Variants in NCOA6 observed in about 807,000 individuals in gnomAD.
NCOA6 encodes NRC RAP250.
In NCOA6, 49 loss-of-function variants were observed where a neutral mutation model predicts 171.4. That is an observed-to-expected ratio of 0.29 (90% CI 0.23 to 0.36). The LOEUF (loss-of-function observed/expected upper bound fraction) is 0.36, where lower values mean the gene tolerates loss of function less well. NCOA6 is among the 10% of genes least tolerant of loss of function. NCOA6 has a pLI of 1.00. For missense variants in NCOA6, 2,248 were observed against 2,554.5 expected, an observed-to-expected ratio of 0.88 and a Z score of 2.59; for synonymous variants, 910 against 927.5, an observed-to-expected ratio of 0.98 and a Z score of 0.34.
At chr20:34,730,245 AATTTTTT>A (rs1282993714) in intron 13 of NCOA6, among the ~76,000 whole-genome samples, 3 of 148,416 alleles carry the variant, frequency 2.0e-5, no homozygotes, top group South Asian at 2.1e-4. Flanking sequence ...ATTTTTTATT[AATTTTTT>A]ATTTTTTATT....
intron 12 of NCOA6, among the ~76,000 whole-genome samples, chr20:34,733,658 G>A (rs1257793739): frequency 3.3e-5 from 5 of 151,978 alleles, no homozygotes; most frequent in African/African-American, 1.2e-4. Context: ...TTATTGCTAT[G>A]AAGATCAGAT....
intron 2 of NCOA6, among the ~76,000 whole-genome samples, chr20:34,785,410 C>T (rs1601019232): frequency 7.0e-6 from 1 of 141,876 alleles, no homozygotes; most frequent in African/African-American, 2.6e-5. Flanking sequence ...GGCTAGGTAA[C>T]AGCGAGACCA....
At chr20:34,722,313 G>A (rs1263351962) in intron 14 of NCOA6, among the ~76,000 whole-genome samples, 8 of 151,478 alleles carry the variant, frequency 5.3e-5, no homozygotes, top group Admixed American at 5.3e-4. Flanking sequence ...CCTGGGAGGC[G>A]GAGGTTGCAA....
chr20:34,809,461 G>GAACT (rs1276940080), intron 1 of NCOA6: 6 of 398,360 alleles, frequency 1.5e-5, no homozygotes. Context: ...ACCTGCTTAA[G>GAACT]AACTCTCTGA....
chr20:34,740,519 T>C lies in NCOA6; in HGVS notation c.5737A>G (p.Ser1913Gly). ...AGAGTGGTTACTATCGAGCGTACAC[T>C]GGTGGGGAGAGCACCGCCAGGTAAG... is the stretch of plus-strand genomic sequence containing the variant. ...PSLPGGALPTSVRSIVTTLVP... is the reference protein window; with the variant it reads ...PSLPGGALPTGVRSIVTTLVP... The change falls in exon 11 of 15, where the codon AGT becomes GGT. Residue 1913 changes from serine (S) to glycine (G), a missense_variant. Ser to Gly is a moderately conservative substitution (Grantham distance 56). Around this residue, in one of 7 missense-constraint regions of NCOA6, gnomAD observed 884 missense variants for 941.9 expected, o/e 0.94. Transcript: ENST00000359003. 6.2e-7 allele frequency: 1 copy of C among 1,614,158 alleles called. No homozygotes were observed. Among genetic ancestry groups the C allele is most frequent in the Non-Finnish European group, 8.5e-7 (1 of 1,180,030 alleles).
chr20:34,776,618 A>G (rs1330182859), intron 3 of NCOA6, 170 bp from the exon 4 acceptor site: 4 of 779,404 alleles, frequency 5.1e-6, no homozygotes, highest in African/African-American at 3.4e-5. Flanking sequence ...TAGCTTTGCC[A>G]CTTAGCACCT....
chr20:34,762,128 G>C (rs1284078103), intron 5 of NCOA6, among the ~76,000 whole-genome samples: 1 of 152,164 alleles, frequency 6.6e-6, no homozygotes, highest in Non-Finnish European at 1.5e-5. Context: ...AGGCTAGGTT[G>C]TTAAATACGT....
intron 1 of NCOA6, among the ~76,000 whole-genome samples, chr20:34,798,883 C>G (rs2078167582): frequency 6.6e-6 from 1 of 152,160 alleles, no homozygotes; most frequent in African/African-American, 2.4e-5. Flanking sequence ...TAAAAACAAG[C>G]CCAGACTGTA....
intron 1 of NCOA6, among the ~76,000 whole-genome samples, chr20:34,800,445 C>T (rs1201322178): frequency 1.3e-5 from 2 of 151,924 alleles, no homozygotes; most frequent in African/African-American, 2.4e-5. Flanking sequence ...GAATGAACAA[C>T]AACAACAGAA....
Position 34,792,572 on chromosome 20 carries a change from AAAC to A in NCOA6, c.-163-12_-163-10del, listed in dbSNP as rs1000970245. 38 of 398,054 alleles carry A rather than the reference AAAC, an allele frequency of 9.5e-5. No homozygotes were observed. The highest frequency in any genetic ancestry group is 1.8e-4 in the Admixed American group (4 of 22,648). The allele number at this position is 398,054 out of a possible 1,614,324, so 24.7% of individuals were successfully genotyped here. A position where few individuals can be genotyped will look rare whatever the true frequency, so the allele number is the denominator to read the frequency against. On this transcript the variant is annotated splice_polypyrimidine_tract_variant and intron_variant, in intron 1 of 14. Coordinates refer to ENST00000359003, the MANE Select transcript of NCOA6 (RefSeq NM_014071.5). ...GCAGCCAAATCAAAATTCTAAAAAC[AAAC>A]AACAACAACAACAACAAAAAGAGAG...
At chr20:34,815,655 G>T (rs1568899397) in intron 1 of NCOA6, among the ~76,000 whole-genome samples, 1 of 152,032 alleles carries the variant, frequency 6.6e-6, no homozygotes, top group South Asian at 2.1e-4. Flanking sequence ...CCATGGGGAG[G>T]CTTTTGAATG....
In NCOA6 at chr20:34,727,215, T is replaced by G. The variant is rs780468057; in HGVS notation, c.6148+44A>C. The G allele has an allele frequency of 3.8e-6, 6 of 1,599,478 alleles. No homozygotes were observed. In the East Asian group the frequency reaches 1.1e-4, roughly 30 times the overall value. On this transcript the variant is annotated intron_variant, in intron 14 of 14. Coordinates refer to ENST00000359003, the MANE Select transcript of NCOA6 (RefSeq NM_014071.5). ...TCTACTGCTGTGGTAAGAACTCTAT[T>G]CCTCTATTTGACCCACAAATAGCAC...
At position 34,740,744 on chromosome 20, in the gene NCOA6, A is replaced by G. The variant is rs776500528; in HGVS notation, c.5512T>C (p.Ser1838Pro). 2.5e-6 allele frequency: 4 copies of G among 1,614,144 alleles called. No homozygotes were observed. The highest frequency in any genetic ancestry group is 3.4e-6 in the Non-Finnish European group (4 of 1,180,026). Residue 1838 changes from serine (S) to proline (P), a missense_variant, in exon 11 of 15, where the codon TCT becomes CCT. This residue lies in a region of NCOA6 where 884 missense variants were observed against 941.9 expected (regional missense o/e 0.94). Transcript: ENST00000359003. Reference sequence around the variant, plus strand: ...TATTGTTCTTCCCCTTTCTCAAGAGAGCCTGTAACTTTCTTACATGCCTTG... The same window carrying G: ...TATTGTTCTTCCCCTTTCTCAAGAGGGCCTGTAACTTTCTTACATGCCTTG... ...LTKACKKVTGSLEKGEEQYGA... is the reference protein window; with the variant it reads ...LTKACKKVTGPLEKGEEQYGA...
intron 2 of NCOA6, among the ~76,000 whole-genome samples, chr20:34,782,846 G>A (rs1386985513): frequency 6.6e-6 from 1 of 152,046 alleles, no homozygotes; most frequent in East Asian, 1.9e-4. Context: ...AAACTACAAA[G>A]CACAACCAGA....
intron 1 of NCOA6, among the ~76,000 whole-genome samples, chr20:34,818,840 C>T (rs926043795): frequency 6.6e-6 from 1 of 152,134 alleles, no homozygotes; most frequent in African/African-American, 2.4e-5. Flanking sequence ...AAAATAATAC[C>T]TATATTTCCT....
At chr20:34,780,305 T>C (rs1272131540) in intron 3 of NCOA6, among the ~76,000 whole-genome samples, 1 of 152,254 alleles carries the variant, frequency 6.6e-6, no homozygotes, top group Non-Finnish European at 1.5e-5. Flanking sequence ...AAATATTTTT[T>C]GGACCAAGAA....
At chr20:34,754,310 T>C (rs1379620146) in intron 8 of NCOA6, among the ~76,000 whole-genome samples, 1 of 152,264 alleles carries the variant, frequency 6.6e-6, no homozygotes, top group Non-Finnish European at 1.5e-5. Context: ...TATGGCCCTC[T>C]GCTGGTCTGT....
At chr20:34,816,645 C>T (rs2078845289) in intron 1 of NCOA6, among the ~76,000 whole-genome samples, 1 of 151,928 alleles carries the variant, frequency 6.6e-6, no homozygotes, top group African/African-American at 2.4e-5. Flanking sequence ...AGTGATCCAC[C>T]CACCTTGGCC....
chr20:34,795,041 G>C (rs1348299872), intron 1 of NCOA6, among the ~76,000 whole-genome samples: 1 of 152,142 alleles, frequency 6.6e-6, no homozygotes, highest in East Asian at 1.9e-4. Flanking sequence ...TTTTAGAAGG[G>C]TTCATCCTCG....
Sources: allele counts gnomAD v4.1 joint callset (sites outside exome capture counted in the v4.1 genomes callset), GRCh38; gene constraint gnomAD v4.1.1; regional missense constraint gnomAD v4.1.1; transcripts MANE v1.5; gene names NCBI Gene and HGNC (gene_info 2026-07-23, HGNC 2026-07-21).